Variants in ANOS1 observed in about 807,000 individuals in gnomAD.
ANOS1 encodes anosmin-1.
In ANOS1, 6 loss-of-function variants were observed where a neutral mutation model predicts 59.0. The observed-to-expected ratio is 0.10, with a 90% confidence interval of 0.06 to 0.20. The LOEUF (loss-of-function observed/expected upper bound fraction) is 0.20, where lower values mean the gene tolerates loss of function less well. ANOS1 is among the 10% of genes least tolerant of loss of function. The probability of loss-of-function intolerance (pLI) is 1.00; values close to 1 mark genes in which losing one functional copy is unlikely to be tolerated. For missense variants in ANOS1, 433 were observed against 542.3 expected, an observed-to-expected ratio of 0.80 and a Z score of 2.00; for synonymous variants, 217 against 223.4, an observed-to-expected ratio of 0.97 and a Z score of 0.25.
chrX:8,687,892 T>G (rs1231136160), intron 2 of ANOS1, among the ~76,000 whole-genome samples: 2 of 111,958 alleles, frequency 1.8e-5, no homozygotes, highest in Non-Finnish European at 3.8e-5. Flanking sequence ...AAATCGAGTT[T>G]AAATTAAAAC....
At chrX:8,603,493 A>G (rs17221734) in intron 3 of ANOS1, among the ~76,000 whole-genome samples, 41,918 of 110,830 alleles carry the variant, frequency 0.38, 5,739 homozygotes, top group Middle Eastern at 0.43. Context: ...TGTGGCAAGT[A>G]GCTAAAAATA....
chrX:8,701,559 C>A (rs1335360006), intron 1 of ANOS1, among the ~76,000 whole-genome samples: 1 of 111,985 alleles, frequency 8.9e-6, no homozygotes, highest in Non-Finnish European at 1.9e-5. Context: ...ACTTGCCTTA[C>A]CCTGGCAAAC....
At position 8,644,979 on chromosome X, in the gene ANOS1, T is replaced by C. The variant is rs373137147; in HGVS notation, c.256-21309A>G. Among the ~76,000 whole-genome samples, 7 of 112,560 alleles carry C rather than the reference T, an allele frequency of 6.2e-5. No homozygotes were observed. In the East Asian group the frequency reaches 1.7e-3, roughly 27 times the overall value. Reference sequence around the variant, plus strand: ...GCAACCCAGCTACCTTGGGCACATGTTCTCAGGACCTTCTGAGGCCCTATC... The same window carrying C: ...GCAACCCAGCTACCTTGGGCACATGCTCTCAGGACCTTCTGAGGCCCTATC... On this transcript the variant is annotated intron_variant, in intron 2 of 13. Coordinates refer to ENST00000262648, the MANE Select transcript of ANOS1 (RefSeq NM_000216.4).
chrX:8,562,113 G>A (rs1170895153), intron 8 of ANOS1, among the ~76,000 whole-genome samples: 1 of 109,591 alleles, frequency 9.1e-6, no homozygotes, highest in Non-Finnish European at 1.9e-5. Flanking sequence ...GCTAATTTTT[G>A]TATTTTTAGT....
Position 8,597,374 on chromosome X carries a change from A to T in ANOS1, c.319-118T>A, listed in dbSNP as rs751608310. The T allele has an allele frequency of 2.9e-3, 1,736 of 605,026 alleles. 1 individual carries two copies. Among genetic ancestry groups the T allele is most frequent in the Non-Finnish European group, 4.3e-3 (1,632 of 377,140 alleles). 49.9% of individuals were successfully genotyped at this position (605,026 alleles called of 1,213,427 possible). ...CACCAAACCTTTGTTTGAATATTTG[A>T]CAAAATGCATGTATTTGTTTTCTTT... On this transcript the variant is annotated intron_variant, in intron 3 of 13. Coordinates refer to ENST00000262648, the MANE Select transcript of ANOS1 (RefSeq NM_000216.4).
chrX:8,619,499 G>A (rs1931249998), intron 3 of ANOS1, among the ~76,000 whole-genome samples: 1 of 111,329 alleles, frequency 9.0e-6, no homozygotes, highest in South Asian at 3.8e-4. Flanking sequence ...AGCTACTCAG[G>A]AGGCTGAGGC....
chrX:8,629,814 G>A (rs1205979899), intron 2 of ANOS1, among the ~76,000 whole-genome samples: 1 of 112,088 alleles, frequency 8.9e-6, no homozygotes, highest in Admixed American at 9.5e-5. Context: ...AGCAAAAAAG[G>A]TTCACACGAA....
chrX:8,657,915 T>C (rs1464079747), intron 2 of ANOS1, among the ~76,000 whole-genome samples: 2 of 110,593 alleles, frequency 1.8e-5, no homozygotes, highest in African/African-American at 3.3e-5. Flanking sequence ...TACCTGGGGG[T>C]CACCTGCACT....
chrX:8,677,722 G>A (rs1011722655), intron 2 of ANOS1, among the ~76,000 whole-genome samples: 2 of 111,736 alleles, frequency 1.8e-5, no homozygotes, highest in Non-Finnish European at 3.8e-5. Flanking sequence ...CTCTGAAAGG[G>A]CTAAGCATAT....
intron 7 of ANOS1, among the ~76,000 whole-genome samples, 186 bp from the exon 8 acceptor site, chrX:8,568,562 G>A (rs772970363): frequency 6.3e-5 from 7 of 110,714 alleles, no homozygotes; most frequent in African/African-American, 2.0e-4. Context: ...GGCCAGGTGC[G>A]GTGGCTCCTG....
intron 2 of ANOS1, among the ~76,000 whole-genome samples, chrX:8,631,102 G>T (rs1931480633): frequency 8.9e-6 from 1 of 112,196 alleles, no homozygotes; most frequent in African/African-American, 3.2e-5. Context: ...CAAGCATGGG[G>T]AAAGATACGG....
chrX:8,623,385 A>T (rs965598454), intron 3 of ANOS1, among the ~76,000 whole-genome samples: 1 of 105,872 alleles, frequency 9.4e-6, no homozygotes, highest in African/African-American at 3.4e-5. Context: ...TACACATCAT[A>T]TTTTTTTTTT....
chrX:8,639,352 A>C (rs1931622152), intron 2 of ANOS1, among the ~76,000 whole-genome samples: 1 of 111,873 alleles, frequency 8.9e-6, no homozygotes, highest in Middle Eastern at 4.2e-3. Context: ...ACTGGACAAG[A>C]ACACACAGAA....
At chrX:8,541,412 C>A (rs768247338) in intron 9 of ANOS1, among the ~76,000 whole-genome samples, 1 of 100,942 alleles carries the variant, frequency 9.9e-6, no homozygotes, top group Non-Finnish European at 2.0e-5. Context: ...TCCCACCACC[C>A]CCCCCCCAAA....
intron 1 of ANOS1, among the ~76,000 whole-genome samples, chrX:8,722,796 T>C (rs1251724564): frequency 8.9e-6 from 1 of 112,573 alleles, no homozygotes; most frequent in African/African-American, 3.2e-5. Context: ...CTCCACACTG[T>C]TTTACTAGTT....
At chrX:8,577,922 C>A (rs1024211858) in intron 6 of ANOS1, among the ~76,000 whole-genome samples, 10 of 111,780 alleles carry the variant, frequency 8.9e-5, no homozygotes, top group Admixed American at 8.5e-4. Flanking sequence ...CTGAGGCAGG[C>A]TCCTCTAGGT....
In ANOS1 at chrX:8,585,431, T is replaced by C. The variant is rs371809989; in HGVS notation, c.727-35A>G. 309 of 1,203,864 alleles carry C rather than the reference T, an allele frequency of 2.6e-4. No homozygotes were observed. In the Middle Eastern group the frequency reaches 9.2e-3, roughly 36 times the overall value. ...CATGTCACAGAGCACAGGGAACATG[T>C]CACTTTTTATTCCGACATGTTAGTT... On this transcript the variant is annotated intron_variant, in intron 5 of 13. Coordinates refer to ENST00000262648, the MANE Select transcript of ANOS1 (RefSeq NM_000216.4).
At chrX:8,730,929 C>T (rs1041905555) in intron 1 of ANOS1, among the ~76,000 whole-genome samples, 1 of 112,649 alleles carries the variant, frequency 8.9e-6, no homozygotes, top group South Asian at 3.6e-4. Flanking sequence ...CGGAGCCTCG[C>T]GCAAGTCCCG....
At chrX:8,702,593 G>A (rs1275621322) in intron 1 of ANOS1, among the ~76,000 whole-genome samples, 3 of 112,008 alleles carry the variant, frequency 2.7e-5, no homozygotes, top group Non-Finnish European at 5.6e-5. Context: ...TCCTAGGTAT[G>A]TGAAGGAATT....
Sources: allele counts gnomAD v4.1 joint callset (sites outside exome capture counted in the v4.1 genomes callset), GRCh38; gene constraint gnomAD v4.1.1; transcripts MANE v1.5; gene names NCBI Gene and HGNC (gene_info 2026-07-23, HGNC 2026-07-21).